SPECC1: variants seen among roughly 807,000 people sequenced by gnomAD.
SPECC1 encodes the protein sperm antigen with calponin homology and coiled-coil domains 1, also known as cytospin-B.
A neutral mutation model predicts 104.1 loss-of-function variants in SPECC1; 62 were observed. That is an observed-to-expected ratio of 0.60 (90% CI 0.49 to 0.74). The LOEUF is 0.74. Among genes scored for constraint, SPECC1 ranks in the 30% least tolerant of loss-of-function variants. SPECC1 has a pLI of 0.00. For missense variants in SPECC1, 1,306 were observed against 1,310.5 expected (o/e 1.00, Z 0.05); for synonymous variants, 513 against 501.6 (o/e 1.02, Z -0.30).
At chr17:20,179,943 A>C (rs1016596745) in intron 3 of SPECC1, among the ~76,000 whole-genome samples, 1 of 152,170 alleles carries the variant, frequency 6.6e-6, no homozygotes, top group Non-Finnish European at 1.5e-5. Flanking sequence ...AAAATTCTAG[A>C]CCATCTCAGC....
intron 2 of SPECC1, among the ~76,000 whole-genome samples, chr17:20,100,617 ACTTT>A: frequency 6.6e-6 from 1 of 152,250 alleles, no homozygotes; most frequent in Non-Finnish European, 1.5e-5. Flanking sequence ...TGAATACCTG[ACTTT>A]CTTTTTTTAA....
chr17:20,199,252 A>G (rs1342333231), intron 3 of SPECC1, among the ~76,000 whole-genome samples: 1 of 151,296 alleles, frequency 6.6e-6, no homozygotes, highest in Non-Finnish European at 1.5e-5. Context: ...GCGCCCAGCT[A>G]ATTTTTGTAT....
At position 20,231,823 on chromosome 17, in the gene SPECC1, C is replaced by G. The variant is rs756942409; in HGVS notation, c.2137C>G (p.Gln713Glu). The G allele has an allele frequency of 1.2e-6, 2 of 1,614,044 alleles. No individual in the cohort carries two copies. Among genetic ancestry groups the G allele is most frequent in the Admixed American group, 3.3e-5 (2 of 60,022 alleles). Residue 713 changes from glutamine (Q) to glutamate (E), a missense_variant, in exon 6 of 15, where the codon CAG becomes GAG. Gln to Glu is a conservative substitution (Grantham distance 29, BLOSUM62 2). Around this residue, in one of 2 missense-constraint regions of SPECC1, gnomAD observed 1,177 missense variants for 1,139.9 expected, o/e 1.03. Coordinates refer to ENST00000395527, the MANE Select transcript of SPECC1 (RefSeq NM_001243439.2). ...GAGGCAGCTGAAGACTCTGACCAAG[C>G]AGATGAAGGTGAGATGCGGGTGGGA... Reference protein sequence around the residue: ...LERQLKTLTKQMKEETEEWRR... With the variant: ...LERQLKTLTKEMKEETEEWRR...
chr17:20,235,231 A>G (rs1325469233), intron 7 of SPECC1, among the ~76,000 whole-genome samples: 1 of 152,240 alleles, frequency 6.6e-6, no homozygotes, highest in Non-Finnish European at 1.5e-5. Context: ...TCTTTGACAC[A>G]GTGGCATCTC....
intron 3 of SPECC1, among the ~76,000 whole-genome samples, chr17:20,119,700 T>C (rs1180332014): frequency 2.0e-5 from 3 of 152,264 alleles, no homozygotes; most frequent in Admixed American, 2.0e-4. Flanking sequence ...AGTGCCTGTC[T>C]GTTGCAGGTG....
At chr17:20,252,316 G>C (rs2039663668) in intron 9 of SPECC1, among the ~76,000 whole-genome samples, 1 of 151,950 alleles carries the variant, frequency 6.6e-6, no homozygotes, top group Non-Finnish European at 1.5e-5. Flanking sequence ...GTACAGATTT[G>C]TTACATGGAT....
chr17:20,311,792 A>G (rs1380405305), intron 14 of SPECC1, among the ~76,000 whole-genome samples: 2 of 151,588 alleles, frequency 1.3e-5, no homozygotes, highest in African/African-American at 4.9e-5. Context: ...TTTTTTATAC[A>G]TATCCTTTGC....
At chr17:20,217,862 A>T (rs2037603830) in intron 4 of SPECC1, among the ~76,000 whole-genome samples, 1 of 151,596 alleles carries the variant, frequency 6.6e-6, no homozygotes, top group Non-Finnish European at 1.5e-5. Flanking sequence ...ACATAGCAAG[A>T]CCCCACCTAT....
At chr17:20,112,418 A>G (rs2048538118) in intron 3 of SPECC1, 3 of 763,700 alleles carry the variant, frequency 3.9e-6, no homozygotes, top group African/African-American at 1.7e-5. Context: ...TCATTCACCA[A>G]TATCCTGAAA....
Position 20,194,501 on chromosome 17 carries a change from A to ATTTTTTTTTTTTTT in SPECC1, c.284-9832_284-9831insTTTTTTTTTTTTTT, listed in dbSNP as rs1567923485. Among the ~76,000 whole-genome samples, 3 of 68,136 alleles carry ATTTTTTTTTTTTTT rather than the reference A, an allele frequency of 4.4e-5. No homozygotes were observed. The East Asian group carries it at 3.7e-3, about 85-fold the overall frequency. 44.7% of individuals were successfully genotyped at this position (68,136 alleles called of 152,430 possible). ...TTGTGTTCTGTTAGAAAAGAGAACG[A>ATTTTTTTTTTTTTT]ATTTTTTTTTTTTTTTTTTTTTTTG... On this transcript the variant is annotated intron_variant, in intron 3 of 14. Coordinates refer to ENST00000395527, the MANE Select transcript of SPECC1 (RefSeq NM_001243439.2).
chr17:20,104,934 T>G (rs2048124948), intron 2 of SPECC1, among the ~76,000 whole-genome samples: 1 of 152,034 alleles, frequency 6.6e-6, no homozygotes, highest in East Asian at 1.9e-4. Context: ...ATGCTTCTGT[T>G]GCTGCCAGCC....
intron 1 of SPECC1, among the ~76,000 whole-genome samples, chr17:20,095,484 T>G (rs2047602050): frequency 6.6e-6 from 1 of 152,298 alleles, no homozygotes; most frequent in African/African-American, 2.4e-5. Flanking sequence ...AGCTGGTCAC[T>G]GTTTCAATAG....
chr17:20,299,627 A>G (rs1447671977), intron 13 of SPECC1, among the ~76,000 whole-genome samples: 1 of 151,866 alleles, frequency 6.6e-6, no homozygotes, highest in African/African-American at 2.4e-5. Context: ...ATATTTGGCC[A>G]AGTATCTGGG....
rs1209589252 is a variant in SPECC1 at position 20,194,502 on chromosome 17, A to ATTTTTTTTT, written c.284-9816_284-9808dup. On this transcript the variant is annotated intron_variant, in intron 3 of 14. Transcript: ENST00000395527. The stretch of plus-strand genomic sequence containing the variant: ...TGTGTTCTGTTAGAAAAGAGAACGA[A>ATTTTTTTTT]TTTTTTTTTTTTTTTTTTTTTTTGA... Among the ~76,000 whole-genome samples, 71 of 86,534 alleles carry ATTTTTTTTT rather than the reference A, an allele frequency of 8.2e-4. 4 individuals are homozygous for ATTTTTTTTT. The highest frequency in any genetic ancestry group is 3.7e-3 in the African/African-American group (69 of 18,736). 56.8% of individuals were successfully genotyped at this position (86,534 alleles called of 152,430 possible).
chr17:20,206,651 A>G (rs918034046), intron 4 of SPECC1, among the ~76,000 whole-genome samples: 1 of 152,188 alleles, frequency 6.6e-6, no homozygotes, highest in Non-Finnish European at 1.5e-5. Context: ...TGGTCTTTCC[A>G]GTCTTTCAAT....
chr17:20,142,045 T>C (rs1464218581), intron 3 of SPECC1, among the ~76,000 whole-genome samples: 4 of 152,230 alleles, frequency 2.6e-5, no homozygotes, highest in Non-Finnish European at 5.9e-5. Flanking sequence ...AATATTGTAG[T>C]GTCATGTACA....
intron 3 of SPECC1, among the ~76,000 whole-genome samples, chr17:20,170,041 AAAC>A (rs2033966879): frequency 6.6e-6 from 1 of 152,202 alleles, no homozygotes; most frequent in Non-Finnish European, 1.5e-5. Flanking sequence ...CACAGGACAA[AAAC>A]ACTTATAGGG....
At chr17:20,274,594 C>T (rs2151644944) in intron 12 of SPECC1, among the ~76,000 whole-genome samples, 1 of 149,490 alleles carries the variant, frequency 6.7e-6, no homozygotes, top group Middle Eastern at 3.5e-3. Context: ...GATTCTCCTG[C>T]CTCAGCCTCC....
In SPECC1 at chr17:20,309,669, A is replaced by G. The variant is rs546129109; in HGVS notation, c.3117+3587A>G. Among the ~76,000 whole-genome samples the G allele has an allele frequency of 6.6e-5, 10 of 152,144 alleles. No individual in the cohort carries two copies. In the South Asian group the frequency reaches 2.1e-3, roughly 32 times the overall value. On this transcript the variant is annotated intron_variant, in intron 14 of 14. Transcript: ENST00000395527. ...GTCTTATTTGGTTTTCTGTTTGTGCATTAGTTTGCTGAGGATAATGGCCCC... is the reference window on the plus strand; with the variant it reads ...GTCTTATTTGGTTTTCTGTTTGTGCGTTAGTTTGCTGAGGATAATGGCCCC...
Sources: gnomAD v4.1 joint callset for allele counts (sites outside exome capture counted in the v4.1 genomes callset) on GRCh38, gnomAD v4.1.1 for gene constraint, gnomAD v4.1.1 regional missense constraint, MANE v1.5 for transcripts, NCBI Gene and HGNC (gene_info 2026-07-23, HGNC 2026-07-21) for gene names.